Variants in FBXL20 observed in about 807,000 individuals in gnomAD.
FBXL20 encodes the protein F-box and leucine rich repeat protein 20, also known as F-box/LRR-repeat protein 20.
FBXL20 carries 11 observed loss-of-function variants against 64.0 expected under a neutral mutation model. That is an observed-to-expected ratio of 0.17 (90% CI 0.11 to 0.28). The LOEUF is 0.28. Among genes scored for constraint, FBXL20 ranks in the 10% least tolerant of loss-of-function variants. The pLI is 1.00. For synonymous variants in FBXL20, 184 were observed against 189.0 expected (o/e 0.97, Z 0.22); for missense variants, 303 against 526.2 (o/e 0.58, Z 4.15).
intron 1 of FBXL20, among the ~76,000 whole-genome samples, chr17:39,362,047 G>A (rs2047800558): frequency 1.3e-5 from 2 of 151,412 alleles, no homozygotes; most frequent in Admixed American, 1.3e-4. Flanking sequence ...CAGCACTTTG[G>A]GAGGCCAAGG....
At chr17:39,302,547 G>A (rs2047146425) in intron 3 of FBXL20, among the ~76,000 whole-genome samples, 1 of 152,030 alleles carries the variant, frequency 6.6e-6, no homozygotes, top group Non-Finnish European at 1.5e-5. Context: ...CTAATTTTTT[G>A]TATTTTTAGT....
At chr17:39,382,432 G>C (rs2048033439) in intron 1 of FBXL20, among the ~76,000 whole-genome samples, 1 of 125,924 alleles carries the variant, frequency 7.9e-6, no homozygotes, top group Non-Finnish European at 1.6e-5. Context: ...AACAGAGAGA[G>C]ACTCCATCTC....
Position 39,285,488 on chromosome 17 carries a change from T to G in FBXL20, c.484A>C (p.Lys162Gln). The change falls in exon 7 of 15, where the codon AAA becomes CAA. Residue 162 changes from lysine to glutamine, a missense_variant. Physicochemically the swap from Lys to Gln is moderately conservative, Grantham distance 53 (BLOSUM62 1). Coordinates refer to ENST00000264658, the MANE Select transcript of FBXL20 (RefSeq NM_032875.3). Reference sequence around the variant, plus strand: ...TTATAAGAAATTTACCTCAGAGCTTTTAGAGACATGTTTGTTATTGATGTA... The same window carrying G: ...TTATAAGAAATTTACCTCAGAGCTTGTAGAGACATGTTTGTTATTGATGTA... ...SCTSITNMSL[K>Q]ALSEGCPLLE... is the part of the protein sequence containing the mutation. The G allele has an allele frequency of 1.3e-6, 2 of 1,593,186 alleles. No individual in the cohort carries two copies. Among genetic ancestry groups the G allele is most frequent in the Non-Finnish European group, 1.7e-6 (2 of 1,170,962 alleles).
At position 39,253,812 on chromosome 17, in the gene FBXL20, G is replaced by A. The variant is rs1472342656; in HGVS notation, c.*7648C>T. On this transcript the variant is annotated 3_prime_UTR_variant, in exon 15 of 15. Coordinates refer to ENST00000264658, the MANE Select transcript of FBXL20 (RefSeq NM_032875.3). The stretch of plus-strand genomic sequence containing the variant: ...CACTTACTAAAAATCTATTATATAG[G>A]AAAGAAAATTATTTGTCCACAGGGG... The A allele has an allele frequency of 6.6e-6, 1 of 152,056 alleles. No individual in the cohort carries two copies. Among genetic ancestry groups the A allele is most frequent in the Non-Finnish European group, 1.5e-5 (1 of 68,002 alleles). 9.4% of individuals were successfully genotyped at this position (152,056 alleles called of 1,614,324 possible).
chr17:39,401,263 G>A (rs1446133616), intron 1 of FBXL20, 98 bp downstream of exon 1: 9 of 1,595,386 alleles, frequency 5.6e-6, no homozygotes, highest in Non-Finnish European at 3.4e-6. Context: ...GTGGGTGACG[G>A]CGCCTGCCAG....
chr17:39,281,317 CT>C, intron 9 of FBXL20, 71 bp downstream of exon 9: 1 of 1,391,760 alleles, frequency 7.2e-7, no homozygotes, highest in Non-Finnish European at 1.0e-6. Context: ...GACTGAAGCT[CT>C]TAAAATAGCT....
At chr17:39,280,531 C>T (rs1056569044) in intron 9 of FBXL20, among the ~76,000 whole-genome samples, 2 of 151,740 alleles carry the variant, frequency 1.3e-5, no homozygotes, top group Admixed American at 1.3e-4. Context: ...CTCACCACTA[C>T]CCTTGAGCCT....
intron 2 of FBXL20, among the ~76,000 whole-genome samples, chr17:39,333,912 C>A (rs1387432235): frequency 1.3e-5 from 2 of 151,478 alleles, no homozygotes; most frequent in Non-Finnish European, 2.9e-5. Context: ...CGCCCGGCAG[C>A]CACCCCGTCT....
chr17:39,329,339 G>A (rs1187110519), intron 2 of FBXL20, among the ~76,000 whole-genome samples: 1 of 152,156 alleles, frequency 6.6e-6, no homozygotes, highest in Non-Finnish European at 1.5e-5. Flanking sequence ...AACTGTCAAT[G>A]TTGTGAAAGA....
intron 1 of FBXL20, among the ~76,000 whole-genome samples, chr17:39,385,814 G>A (rs1001244321): frequency 6.7e-6 from 1 of 149,550 alleles, no homozygotes; most frequent in African/African-American, 2.5e-5. Context: ...GGCAGATCAT[G>A]AGCTCAAGAG....
intron 1 of FBXL20, among the ~76,000 whole-genome samples, chr17:39,392,438 CAA>C (rs67507209): frequency 0.45 from 47,091 of 103,674 alleles, 9,813 homozygotes; most frequent in African/African-American, 0.66. Flanking sequence ...AGATTGTCTC[CAA>C]AAAAAAAAAA....
At position 39,255,195 on chromosome 17, in the gene FBXL20, T is replaced by C. The variant is rs1419792202; in HGVS notation, c.*6265A>G. On this transcript the variant is annotated 3_prime_UTR_variant, in exon 15 of 15. Coordinates refer to ENST00000264658, the MANE Select transcript of FBXL20 (RefSeq NM_032875.3). ...GCTCACGCCTGTAATCCCAGCACTT[T>C]GGGAGGCCGAGGCGGGTGGATCATG... 1.3e-5 allele frequency: 2 copies of C among 151,890 alleles called. No individual in the cohort carries two copies. The highest frequency in any genetic ancestry group is 2.9e-5 in the Non-Finnish European group (2 of 67,972). The allele number at this position is 151,890 out of a possible 1,614,324, so 9.4% of individuals were successfully genotyped here.
intron 8 of FBXL20, among the ~76,000 whole-genome samples, chr17:39,281,666 C>T (rs1188378144): frequency 3.3e-5 from 5 of 152,148 alleles, no homozygotes; most frequent in Non-Finnish European, 7.4e-5. Flanking sequence ...GCTTTGACCA[C>T]ATTCAAATTC....
intron 12 of FBXL20, among the ~76,000 whole-genome samples, chr17:39,266,743 G>A (rs1007888848): frequency 5.3e-5 from 8 of 152,196 alleles, no homozygotes; most frequent in Non-Finnish European, 4.4e-5. Context: ...TTGGCTACCT[G>A]AACCTGTTCT....
chr17:39,299,150 C>A (rs1425440352), intron 4 of FBXL20, 66 bp from the exon 5 acceptor site: 14 of 1,080,002 alleles, frequency 1.3e-5, no homozygotes, highest in Non-Finnish European at 1.9e-5. Flanking sequence ...AACACATACT[C>A]ATTTTTAACG....
intron 2 of FBXL20, among the ~76,000 whole-genome samples, chr17:39,333,743 G>C (rs1335422218): frequency 6.7e-6 from 1 of 149,852 alleles, no homozygotes; most frequent in African/African-American, 2.5e-5. Flanking sequence ...TGTGGGGAGC[G>C]CCTCTGCCCC....
chr17:39,368,020 C>A (rs1027940968), intron 1 of FBXL20, among the ~76,000 whole-genome samples: 1 of 152,094 alleles, frequency 6.6e-6, no homozygotes, highest in Middle Eastern at 3.4e-3. Context: ...TCCAGTGATC[C>A]GCTGGACTCA....
chr17:39,329,367 T>C lies in FBXL20; in HGVS notation c.104+13813A>G, dbSNP rs1411004407. ...GTGAAAGACAAAGACTGAAAAATTG[T>C]TGCAGATTAAATACATCCAAAGAGA... On this transcript the variant is annotated intron_variant, in intron 2 of 14. Transcript: ENST00000264658. Among the ~76,000 whole-genome samples the C allele has an allele frequency of 3.3e-5, 5 of 152,316 alleles. No individual in the cohort carries two copies. The East Asian group carries it at 9.6e-4, about 29-fold the overall frequency.
At chr17:39,294,111 T>A (rs563889098) in intron 6 of FBXL20, among the ~76,000 whole-genome samples, 78 of 152,128 alleles carry the variant, frequency 5.1e-4, no homozygotes, top group South Asian at 1.7e-3. Context: ...GGAGGGCAGT[T>A]ATTGTCACTG....
Sources: gnomAD v4.1 joint callset for allele counts (sites outside exome capture counted in the v4.1 genomes callset) on GRCh38, gnomAD v4.1.1 for gene constraint, MANE v1.5 for transcripts, NCBI Gene and HGNC (gene_info 2026-07-23, HGNC 2026-07-21) for gene names.